CFD: variants seen among roughly 807,000 people sequenced by gnomAD.
CFD encodes the protein complement factor D.
In CFD, 24 loss-of-function variants were observed where a neutral mutation model predicts 21.1. The observed-to-expected ratio is 1.14, with a 90% CI of 0.82 to 1.60. CFD has a LOEUF of 1.60. Among genes scored for constraint, CFD ranks in the 40% most tolerant of loss-of-function variants. CFD has a pLI of 0.00. For synonymous variants in CFD, 242 were observed against 175.9 expected, an observed-to-expected ratio of 1.38 and a Z score of -2.97; for missense variants, 535 against 383.3, an observed-to-expected ratio of 1.40 and a Z score of -3.31.
In CFD at chr19:860,197, C is replaced by T. The variant is rs74490515; in HGVS notation, c.56-420C>T. Among the ~76,000 whole-genome samples the T allele has an allele frequency of 2.1e-5, 3 of 146,024 alleles. 1 individual carries two copies. The highest frequency in any genetic ancestry group is 1.4e-4 in the Admixed American group (2 of 14,736). On this transcript the variant is annotated intron_variant, in intron 1 of 4. Coordinates refer to ENST00000327726, the MANE Select transcript of CFD (RefSeq NM_001928.4). ...GGAAACGGGATTCTTTTTTTTCTTT[C>T]TTTTTTTTTTTGATAGGGAGTCTCG...
Position 861,725 on chromosome 19 carries a change from T to TGCTGTGCGCCCC in CFD, c.385_396dup (p.Ala129_Pro132dup), listed in dbSNP as rs1568310034. The TGCTGTGCGCCCC allele has an allele frequency of 1.2e-6, 2 of 1,603,888 alleles. No homozygotes were observed. Among genetic ancestry groups the TGCTGTGCGCCCC allele is most frequent in the Non-Finnish European group, 1.7e-6 (2 of 1,177,334 alleles). ...TGTCGGAGAAGGCCACACTGGGCCC[T>TGCTGTGCGCCCC]GCTGTGCGCCCCCTGCCCTGGCAGC... is the stretch of plus-strand genomic sequence containing the variant. On this transcript the variant is annotated inframe_insertion, in exon 4 of 5. Coordinates refer to ENST00000327726, the MANE Select transcript of CFD (RefSeq NM_001928.4).
Position 863,459 on chromosome 19 carries a change from G to C in CFD, c.*221G>C, listed in dbSNP as rs920930625. On this transcript the variant is annotated 3_prime_UTR_variant, in exon 5 of 5. Transcript: ENST00000327726. ...ATAAAAAATTAGCTGGGCAATTGGC[G>C]GGCATGGAGGTGGGTGCTTGTAGTT... is the stretch of plus-strand genomic sequence containing the variant. The C allele has an allele frequency of 6.6e-6, 4 of 604,500 alleles. No individual in the cohort carries two copies. The highest frequency in any genetic ancestry group is 5.5e-5 in the African/African-American group (3 of 54,330). The allele number at this position is 604,500 out of a possible 1,614,324, so 37.4% of individuals were successfully genotyped here.
chr19:862,412 G>C (rs1286985622), intron 4 of CFD, among the ~76,000 whole-genome samples: 2 of 145,116 alleles, frequency 1.4e-5, no homozygotes, highest in Non-Finnish European at 3.0e-5. Flanking sequence ...CCTGTGGGGA[G>C]GGTGGGGCTG....
At position 860,652 on chromosome 19, in the gene CFD, G is replaced by C; in HGVS notation, c.91G>C (p.Glu31Gln). 2.0e-6 allele frequency: 3 copies of C among 1,494,096 alleles called. No homozygotes were observed. Among genetic ancestry groups the C allele is most frequent in the Non-Finnish European group, 2.7e-6 (3 of 1,130,610 alleles). 92.6% of individuals were successfully genotyped at this position (1,494,096 alleles called of 1,614,324 possible). A position where few individuals can be genotyped will look rare whatever the true frequency, so the allele number is the denominator to read the frequency against. ...PPRGRILGGR[E>Q]AEAHARPYMA... Reference sequence around the variant, plus strand: ...CCGTGGTCGGATCCTGGGCGGCAGAGAGGCCGAGGCGCACGCGCGGCCCTA... The same window carrying C: ...CCGTGGTCGGATCCTGGGCGGCAGACAGGCCGAGGCGCACGCGCGGCCCTA... The change falls in exon 2 of 5, where the codon GAG becomes CAG. Residue 31 changes from glutamate to glutamine, a missense_variant. Physicochemically the swap from Glu to Gln is conservative, Grantham distance 29 (BLOSUM62 2). Coordinates refer to ENST00000327726, the MANE Select transcript of CFD (RefSeq NM_001928.4).
intron 4 of CFD, among the ~76,000 whole-genome samples, chr19:862,496 G>T (rs2035815068): frequency 7.6e-6 from 1 of 131,494 alleles, no homozygotes; most frequent in South Asian, 2.7e-4. Flanking sequence ...GCACGTGGAG[G>T]AAGGGGCGGG....
At chr19:862,473 G>A (rs1051082204) in intron 4 of CFD, among the ~76,000 whole-genome samples, 1 of 119,846 alleles carries the variant, frequency 8.3e-6, no homozygotes, top group Non-Finnish European at 1.7e-5. Context: ...AGGGTGGGAG[G>A]TATAGGGGGC....
chr19:862,038 A>G (rs527675939), intron 4 of CFD, 82 bp downstream of exon 4: 76 of 1,330,884 alleles, frequency 5.7e-5, no homozygotes, highest in Admixed American at 3.5e-4. Flanking sequence ...GCGGGGGGCA[A>G]GTAGGAACAG....
Position 861,715 on chromosome 19 carries a change from C to T in CFD, c.374C>T (p.Thr125Ile), listed in dbSNP as rs1327686110. 3.1e-6 allele frequency: 5 copies of T among 1,603,576 alleles called. No homozygotes were observed. The highest frequency in any genetic ancestry group is 4.2e-6 in the Non-Finnish European group (5 of 1,177,112). Residue 125 changes from threonine to isoleucine, a missense_variant, in exon 4 of 5, where the codon ACA (threonine) becomes ATA (isoleucine). By Grantham distance (89) the Thr-to-Ile change is moderately conservative (BLOSUM62 -1). Coordinates refer to ENST00000327726, the MANE Select transcript of CFD (RefSeq NM_001928.4). ...LLLLQLSEKA[T>I]LGPAVRPLPW... Reference sequence around the variant, plus strand: ...CACCCTCAGCTGTCGGAGAAGGCCACACTGGGCCCTGCTGTGCGCCCCCTG... The same window carrying T: ...CACCCTCAGCTGTCGGAGAAGGCCATACTGGGCCCTGCTGTGCGCCCCCTG...
chr19:861,795 G>C lies in CFD; in HGVS notation c.454G>C (p.Gly152Arg), dbSNP rs752454699. The change falls in exon 4 of 5, where the codon GGC (glycine) becomes CGC (arginine). Residue 152 changes from glycine to arginine, a missense_variant. Coordinates refer to ENST00000327726, the MANE Select transcript of CFD (RefSeq NM_001928.4). ...VAPGTLCDVA[G>R]WGIVNHAGRR... is the part of the protein sequence containing the mutation. ...ACCGGGAACTCTCTGCGACGTGGCC[G>C]GCTGGGGCATAGTCAACCACGCGGG... is the stretch of plus-strand genomic sequence containing the variant. The C allele has an allele frequency of 5.6e-6, 9 of 1,604,710 alleles. No homozygotes were observed. The highest frequency in any genetic ancestry group is 7.6e-6 in the Non-Finnish European group (9 of 1,179,134).
chr19:860,889 G>T lies in CFD; in HGVS notation c.241G>T (p.Gly81Cys). The T allele has an allele frequency of 6.3e-7, 1 of 1,585,782 alleles. No homozygotes were observed. Among genetic ancestry groups the T allele is most frequent in the East Asian group, 2.3e-5 (1 of 43,526 alleles). ...CGACGGGAAGGTGCAGGTTCTCCTGGGCGCGCACTCCCTGTCGCAGCCGGA... is the reference window on the plus strand; with the variant it reads ...CGACGGGAAGGTGCAGGTTCTCCTGTGCGCGCACTCCCTGTCGCAGCCGGA... ...AADGKVQVLL[G>C]AHSLSQPEPS... The change falls in exon 3 of 5, where the codon GGC (glycine) becomes TGC (cysteine). Residue 81 changes from glycine to cysteine, a missense_variant. By Grantham distance (159) the Gly-to-Cys change is radical. Coordinates refer to ENST00000327726, the MANE Select transcript of CFD (RefSeq NM_001928.4).
intron 4 of CFD, 117 bp from the exon 5 acceptor site, chr19:862,975 A>C: frequency 9.3e-7 from 1 of 1,078,684 alleles, no homozygotes; most frequent in Non-Finnish European, 1.3e-6. Flanking sequence ...GACCAAATTA[A>C]CACGGGAGGG....
chr19:859,946 G>A (rs1461706694), intron 1 of CFD, among the ~76,000 whole-genome samples: 4 of 152,188 alleles, frequency 2.6e-5, no homozygotes, highest in African/African-American at 9.6e-5. Context: ...TTTTCTTGCA[G>A]ACAGAGTCTG....
intron 3 of CFD, 51 bp downstream of exon 3, chr19:861,056 A>T (rs747853042): frequency 1.2e-5 from 18 of 1,553,806 alleles, no homozygotes; most frequent in Non-Finnish European, 8.7e-7. Context: ...TCCCCGGCCC[A>T]CCCTCACTCC....
At position 863,116 on chromosome 19, in the gene CFD, T is replaced by G; in HGVS notation, c.640T>G (p.Cys214Gly). The stretch of plus-strand genomic sequence containing the variant: ...GGGTGACTCCGGGGGCCCGCTGGTG[T>G]GCGGGGGCGTGCTCGAGGGCGTGGT... ...CKGDSGGPLV[C>G]GGVLEGVVTS... Residue 214 changes from cysteine to glycine, a missense_variant, in exon 5 of 5, where the codon TGC becomes GGC. Transcript: ENST00000327726. 1 of 1,529,896 alleles carries G rather than the reference T, an allele frequency of 6.5e-7. No individual in the cohort carries two copies. The highest frequency in any genetic ancestry group is 8.8e-7 in the Non-Finnish European group (1 of 1,141,974). The allele number at this position is 1,529,896 out of a possible 1,614,324, so 94.8% of individuals were successfully genotyped here.
In CFD at chr19:863,301, A is replaced by C. The variant is rs2035838070; in HGVS notation, c.*63A>C. 1.3e-6 allele frequency: 2 copies of C among 1,529,026 alleles called. No homozygotes were observed. The highest frequency in any genetic ancestry group is 4.8e-5 in the East Asian group (2 of 41,306). The allele number at this position is 1,529,026 out of a possible 1,614,324, so 94.7% of individuals were successfully genotyped here. A position where few individuals can be genotyped will look rare whatever the true frequency, so the allele number is the denominator to read the frequency against. On this transcript the variant is annotated 3_prime_UTR_variant, in exon 5 of 5. Coordinates refer to ENST00000327726, the MANE Select transcript of CFD (RefSeq NM_001928.4). The stretch of plus-strand genomic sequence containing the variant: ...AAAGTCCCGAGCAATGAAGTCATCC[A>C]CTCCTGCATCTGGTTGGTCTTTATT...
rs913145897 is a variant in CFD, at chr19:863,126, T to C, written c.650T>C (p.Val217Ala). ...DSGGPLVCGGVLEGVVTSGSR... is the reference protein window; with the variant it reads ...DSGGPLVCGGALEGVVTSGSR... ...GGGGGCCCGCTGGTGTGCGGGGGCG[T>C]GCTCGAGGGCGTGGTCACCTCGGGC... Residue 217 changes from valine (V) to alanine (A), a missense_variant, in exon 5 of 5, where the codon GTG becomes GCG. Val to Ala is a moderately conservative substitution (Grantham distance 64). Coordinates refer to ENST00000327726, the MANE Select transcript of CFD (RefSeq NM_001928.4). 51 of 1,531,768 alleles carry C rather than the reference T, an allele frequency of 3.3e-5. No homozygotes were observed. The highest frequency in any genetic ancestry group is 4.4e-5 in the Non-Finnish European group (50 of 1,143,524). 94.9% of individuals were successfully genotyped at this position (1,531,768 alleles called of 1,614,324 possible).
chr19:863,340 A>C lies in CFD; in HGVS notation c.*102A>C. 5 of 1,379,944 alleles carry C rather than the reference A, an allele frequency of 3.6e-6. No individual in the cohort carries two copies. Among genetic ancestry groups the C allele is most frequent in the South Asian group, 1.2e-5 (1 of 80,894 alleles). 85.5% of individuals were successfully genotyped at this position (1,379,944 alleles called of 1,614,324 possible). A position where few individuals can be genotyped will look rare whatever the true frequency, so the allele number is the denominator to read the frequency against. On this transcript the variant is annotated 3_prime_UTR_variant, in exon 5 of 5. Transcript: ENST00000327726. Reference sequence around the variant, plus strand: ...TTGGTCTTTATTGAGCACCTACTATATGCAGAAGGGGAGGCCGAGGTGGGA... The same window carrying C: ...TTGGTCTTTATTGAGCACCTACTATCTGCAGAAGGGGAGGCCGAGGTGGGA...
intron 4 of CFD, among the ~76,000 whole-genome samples, chr19:862,408 G>A (rs1426460972): frequency 2.1e-5 from 3 of 145,078 alleles, no homozygotes; most frequent in Non-Finnish European, 1.5e-5. Flanking sequence ...GGTACCTGTG[G>A]GGAGGGTGGG....
intron 1 of CFD, 115 bp from the exon 2 acceptor site, chr19:860,502 A>C: frequency 8.9e-6 from 8 of 897,568 alleles, no homozygotes; most frequent in East Asian, 1.2e-4. Context: ...CACCGCGCCC[A>C]GAGATGGGAT....
Sources: gnomAD v4.1 joint callset for allele counts (sites outside exome capture counted in the v4.1 genomes callset) on GRCh38, gnomAD v4.1.1 for gene constraint, MANE v1.5 for transcripts, NCBI Gene and HGNC (gene_info 2026-07-23, HGNC 2026-07-21) for gene names.